The following ZNF717 variants were observed in gnomAD, a reference collection of about 807,000 sequenced individuals.
The protein encoded by ZNF717 is krueppel-like factor X17.
Under a neutral mutation model 13.8 loss-of-function variants are expected in ZNF717, and 9 were observed. That is an observed-to-expected ratio of 0.65 (90% CI 0.39 to 1.14). The LOEUF is 1.14. Among genes scored for constraint, ZNF717 ranks in the 50% most tolerant of loss-of-function variants. The probability of loss-of-function intolerance (pLI) is 0.01; values close to 1 mark genes in which losing one functional copy is unlikely to be tolerated. For missense variants in ZNF717, 1,040 were observed against 1,080.7 expected (o/e 0.96, Z 0.53); for synonymous variants, 327 against 364.1 (o/e 0.90, Z 1.16).
chr3:75,713,096 A>C (rs1240398995), intron 5 of ZNF717, among the ~76,000 whole-genome samples: 1 of 152,010 alleles, frequency 6.6e-6, no homozygotes, highest in African/African-American at 2.4e-5. Flanking sequence ...TGGGTAACAG[A>C]GTGGGATCCT....
intron 2 of ZNF717, among the ~76,000 whole-genome samples, chr3:75,773,268 G>C (rs1364907515): frequency 5.9e-5 from 9 of 151,722 alleles, no homozygotes; most frequent in African/African-American, 2.0e-4. Context: ...GGTAAAAATA[G>C]GATCCTTAAT....
intron 2 of ZNF717, among the ~76,000 whole-genome samples, chr3:75,778,639 A>T (rs1280862238): frequency 3.4e-5 from 5 of 145,866 alleles, no homozygotes; most frequent in Non-Finnish European, 7.5e-5. Context: ...TGCTAAAACC[A>T]GAACCCAAAA....
chr3:75,775,943 C>T (rs1428517842), intron 2 of ZNF717, among the ~76,000 whole-genome samples: 8 of 152,048 alleles, frequency 5.3e-5, no homozygotes, highest in Non-Finnish European at 1.2e-4. Context: ...AATTGAATAC[C>T]AAGGAAATAT....
At chr3:75,771,055 T>G (rs191731884) in intron 2 of ZNF717, among the ~76,000 whole-genome samples, 17 of 152,340 alleles carry the variant, frequency 1.1e-4, no homozygotes, top group African/African-American at 4.1e-4. Flanking sequence ...GTGGACAAAC[T>G]GCAACCTAAC....
At chr3:75,699,752 C>G (rs1429470517) in intron 6 of ZNF717, among the ~76,000 whole-genome samples, 2 of 152,312 alleles carry the variant, frequency 1.3e-5, no homozygotes, top group Non-Finnish European at 2.9e-5. Context: ...TGAGAATGGC[C>G]TAATACATCC....
At chr3:75,776,502 T>G in intron 2 of ZNF717, among the ~76,000 whole-genome samples, 1 of 152,266 alleles carries the variant, frequency 6.6e-6, no homozygotes, top group Non-Finnish European at 1.5e-5. Context: ...TTTCACCAGC[T>G]AAAGAAAGCC....
chr3:75,775,833 C>T (rs868560012), intron 2 of ZNF717, among the ~76,000 whole-genome samples: 5 of 140,368 alleles, frequency 3.6e-5, no homozygotes, highest in African/African-American at 8.2e-5. Flanking sequence ...GCCTAGGTAA[C>T]AGAGTGAGAC....
chr3:75,779,168 C>T (rs1309013336), intron 2 of ZNF717, among the ~76,000 whole-genome samples: 2 of 150,836 alleles, frequency 1.3e-5, no homozygotes, highest in East Asian at 3.9e-4. Flanking sequence ...AAAACCGGAA[C>T]CCAAAACAAT....
chr3:75,732,157 TG>T, downstream of ZNF717: 1 of 702,826 alleles, frequency 1.4e-6, no homozygotes, highest in South Asian at 1.5e-5. Context: ...TCTTAAAATA[TG>T]CCAGAGCAAC....
At chr3:75,722,803 C>CAAAAAAAAAAAAAAA (rs146853808) in intron 4 of ZNF717, among the ~76,000 whole-genome samples, 1 of 98,914 alleles carries the variant, frequency 1.0e-5, no homozygotes, top group Non-Finnish European at 1.9e-5. Flanking sequence ...AACTCCATCT[C>CAAAAAAAAAAAAAAA]AAAAAAAAAA....
chr3:75,764,904 G>GC (rs1943314180), intron 2 of ZNF717, among the ~76,000 whole-genome samples: 1 of 151,424 alleles, frequency 6.6e-6, no homozygotes, highest in Admixed American at 6.6e-5. Context: ...ACAGATATGT[G>GC]CACACCTATG....
intron 2 of ZNF717, among the ~76,000 whole-genome samples, chr3:75,765,005 A>ATATATATATATATATG (rs1943335890): frequency 1.6e-4 from 4 of 25,780 alleles, no homozygotes; most frequent in Non-Finnish European, 4.2e-4. Context: ...ATATATATAT[A>ATATATATATATATATG]TATATATATA....
At chr3:75,756,932 T>G (rs1404118120) in intron 2 of ZNF717, among the ~76,000 whole-genome samples, 3 of 152,260 alleles carry the variant, frequency 2.0e-5, no homozygotes, top group Non-Finnish European at 2.9e-5. Flanking sequence ...CGCCTCGGCC[T>G]CCCAAAGTGC....
chr3:75,762,845 A>G (rs1008835876), intron 2 of ZNF717, among the ~76,000 whole-genome samples: 2 of 152,026 alleles, frequency 1.3e-5, no homozygotes, highest in African/African-American at 4.8e-5. Context: ...AAGACACACG[A>G]GAAACTTATG....
intron 2 of ZNF717, among the ~76,000 whole-genome samples, chr3:75,776,286 T>C (rs1483085187): frequency 6.6e-6 from 1 of 152,294 alleles, no homozygotes; most frequent in Non-Finnish European, 1.5e-5. Flanking sequence ...AAATAGTTTA[T>C]AACCAATGTT....
chr3:75,765,812 C>G (rs1437233210), intron 2 of ZNF717, among the ~76,000 whole-genome samples: 2 of 152,204 alleles, frequency 1.3e-5, no homozygotes, highest in African/African-American at 4.8e-5. Flanking sequence ...TATAGAAGAT[C>G]AAAAGACAGA....
chr3:75,729,447 C>T (rs1363878735), downstream of ZNF717, among the ~76,000 whole-genome samples: 1 of 152,298 alleles, frequency 6.6e-6, no homozygotes, highest in African/African-American at 2.4e-5. Context: ...GAATCCCCAT[C>T]TCTACTAAAA....
chr3:75,747,679 A>C (rs1483625648), intron 2 of ZNF717, among the ~76,000 whole-genome samples: 1 of 152,114 alleles, frequency 6.6e-6, no homozygotes, highest in Non-Finnish European at 1.5e-5. Flanking sequence ...ATTGGTGTAT[A>C]AGAATGCTTG....
At chr3:75,704,531 C>T (rs1937761442) in intron 6 of ZNF717, among the ~76,000 whole-genome samples, 1 of 152,312 alleles carries the variant, frequency 6.6e-6, no homozygotes, top group South Asian at 2.1e-4. Context: ...AGAGACTCAG[C>T]CCCAAAAGTT....
Sources: allele counts gnomAD v4.1 joint callset (sites outside exome capture counted in the v4.1 genomes callset), GRCh38; gene constraint gnomAD v4.1.1; transcripts MANE v1.5; gene names NCBI Gene and HGNC (gene_info 2026-07-23, HGNC 2026-07-21).